The following ATP8B4 variants were observed in gnomAD, a reference collection of about 807,000 sequenced individuals.
The protein encoded by ATP8B4 is ATPase phospholipid transporting 8B4 (putative).
ATP8B4 carries 133 observed loss-of-function variants against 145.6 expected under a neutral mutation model. The ratio of observed to expected loss-of-function variants is 0.91; its 90% CI spans 0.79 to 1.05. ATP8B4 has a LOEUF of 1.05. Among genes scored for constraint, ATP8B4 ranks in the 50% least tolerant of loss-of-function variants. The pLI, the probability that ATP8B4 is intolerant of heterozygous loss-of-function variation, is 0.00. For missense variants in ATP8B4, 1,458 were observed against 1,425.2 expected (o/e 1.02, Z -0.37); for synonymous variants, 507 against 492.9 (o/e 1.03, Z -0.38).
intron 14 of ATP8B4, among the ~76,000 whole-genome samples, chr15:49,960,914 C>T (rs1001107076): frequency 3.3e-5 from 5 of 152,010 alleles, no homozygotes; most frequent in Non-Finnish European, 5.9e-5. Context: ...GGGTGGATCA[C>T]GAGGTCAGGA....
chr15:50,170,127 C>T (rs182061567), intron 1 of ATP8B4, among the ~76,000 whole-genome samples: 1 of 152,232 alleles, frequency 6.6e-6, no homozygotes, highest in Admixed American at 6.5e-5. Context: ...TTGAGGAAAA[C>T]TTCCCCAGCC....
intron 14 of ATP8B4, 135 bp downstream of exon 14, chr15:49,961,842 T>A: frequency 1.4e-6 from 1 of 694,314 alleles, no homozygotes. Flanking sequence ...ATCATATTAA[T>A]CTATTTTTTA....
intron 3 of ATP8B4, among the ~76,000 whole-genome samples, chr15:50,064,593 A>G (rs576008315): frequency 6.6e-6 from 1 of 152,310 alleles, no homozygotes; most frequent in South Asian, 2.1e-4. Flanking sequence ...AGAATTTTCA[A>G]GTTTAATGCC....
intron 2 of ATP8B4, among the ~76,000 whole-genome samples, chr15:50,091,436 C>A (rs57210505): frequency 0.026 from 3,877 of 152,004 alleles, 162 homozygotes; most frequent in African/African-American, 0.09. Context: ...TATAAAACCA[C>A]AATATGGCAA....
chr15:50,000,056 T>C (rs1215793381), intron 8 of ATP8B4, among the ~76,000 whole-genome samples: 1 of 152,202 alleles, frequency 6.6e-6, no homozygotes, highest in Non-Finnish European at 1.5e-5. Flanking sequence ...CTAAGTAGTA[T>C]TCCATGGTAT....
At chr15:50,070,555 TC>T (rs1479520075) in intron 3 of ATP8B4, among the ~76,000 whole-genome samples, 7 of 152,102 alleles carry the variant, frequency 4.6e-5, no homozygotes, top group African/African-American at 1.7e-4. Context: ...TAGTTGGGGG[TC>T]CCATGCTCCT....
At chr15:50,144,413 C>A (rs1595643471) in intron 1 of ATP8B4, among the ~76,000 whole-genome samples, 1 of 152,316 alleles carries the variant, frequency 6.6e-6, no homozygotes, top group Non-Finnish European at 1.5e-5. Context: ...CACAGTTACG[C>A]ATGGCTGGGG....
At chr15:49,966,306 G>C (rs549071140) in intron 13 of ATP8B4, among the ~76,000 whole-genome samples, 23 of 152,334 alleles carry the variant, frequency 1.5e-4, no homozygotes, top group Admixed American at 1.4e-3. Flanking sequence ...CTGAAGTCAG[G>C]GAGCCAAGTG....
intron 24 of ATP8B4, among the ~76,000 whole-genome samples, chr15:49,877,722 A>G (rs963547745): frequency 6.6e-6 from 1 of 152,204 alleles, no homozygotes. Flanking sequence ...AAATGCAAAC[A>G]ATAACACCTC....
At chr15:49,909,498 C>T (rs2039001933) in intron 20 of ATP8B4, among the ~76,000 whole-genome samples, 1 of 152,110 alleles carries the variant, frequency 6.6e-6, no homozygotes, top group African/African-American at 2.4e-5. Flanking sequence ...GAGCAAGCCT[C>T]CTGGTGGCCC....
At chr15:50,096,258 CG>C (rs2055979705) in intron 2 of ATP8B4, among the ~76,000 whole-genome samples, 1 of 152,090 alleles carries the variant, frequency 6.6e-6, no homozygotes, top group East Asian at 1.9e-4. Flanking sequence ...AGAGAATAGC[CG>C]CTCTCCCCTA....
At chr15:50,126,054 T>C (rs568352891) in intron 1 of ATP8B4, among the ~76,000 whole-genome samples, 1 of 152,210 alleles carries the variant, frequency 6.6e-6, no homozygotes, top group Non-Finnish European at 1.5e-5. Flanking sequence ...TGACACAATG[T>C]GATAGTAACT....
chr15:50,164,083 T>C (rs1412797415), intron 1 of ATP8B4, among the ~76,000 whole-genome samples: 1 of 152,186 alleles, frequency 6.6e-6, no homozygotes. Context: ...AGCCAATGCC[T>C]GGAGTCAGGG....
intron 5 of ATP8B4, among the ~76,000 whole-genome samples, chr15:50,041,670 A>G (rs148292641): frequency 3.3e-4 from 51 of 152,344 alleles, no homozygotes; most frequent in African/African-American, 1.1e-3. Flanking sequence ...GGGGCCAGGC[A>G]TGGTGGCTCA....
At chr15:50,111,152 T>C (rs1369312344) in intron 1 of ATP8B4, among the ~76,000 whole-genome samples, 1 of 152,220 alleles carries the variant, frequency 6.6e-6, no homozygotes, top group African/African-American at 2.4e-5. Flanking sequence ...AATGGGCACA[T>C]CTGGGTGCAG....
rs577040067 is a variant in ATP8B4 at position 50,162,411 on chromosome 15, C to G, written c.-43+19850G>C. ...GTTATTTCTCCCTTGAATAAACATTCCAGTACAATCTCTCTATCTCCTCTT... is the reference window on the plus strand; with the variant it reads ...GTTATTTCTCCCTTGAATAAACATTGCAGTACAATCTCTCTATCTCCTCTT... On this transcript the variant is annotated intron_variant, in intron 1 of 3. Transcript: ENST00000558829. 2.0e-5 allele frequency among the ~76,000 whole-genome samples: 3 copies of G among 152,146 alleles called. No homozygotes were observed. In the South Asian group the frequency reaches 6.2e-4, roughly 31 times the overall value.
chr15:49,880,218 G>C (rs1475950774), intron 23 of ATP8B4: 1 of 152,218 alleles, frequency 6.6e-6, no homozygotes, highest in East Asian at 1.9e-4. Context: ...ATGTGGGAGG[G>C]CTGTAATTGT....
At chr15:50,016,032 T>A (rs764065420) in intron 6 of ATP8B4, among the ~76,000 whole-genome samples, 4 of 152,154 alleles carry the variant, frequency 2.6e-5, no homozygotes, top group Non-Finnish European at 4.4e-5. Flanking sequence ...AAGTAATCAA[T>A]CTTACAGATG....
At chr15:49,924,997 T>G (rs1277599860) in intron 16 of ATP8B4, among the ~76,000 whole-genome samples, 1 of 152,200 alleles carries the variant, frequency 6.6e-6, no homozygotes, top group African/African-American at 2.4e-5. Flanking sequence ...AACCTACATT[T>G]GCCTGTATTT....
Sources: gnomAD v4.1 joint callset for allele counts (sites outside exome capture counted in the v4.1 genomes callset) on GRCh38, gnomAD v4.1.1 for gene constraint, MANE v1.5 for transcripts, NCBI Gene and HGNC (gene_info 2026-07-23, HGNC 2026-07-21) for gene names.